Variants in CLVS1 observed in about 807,000 individuals in gnomAD.
CLVS1 encodes clavesin 1.
CLVS1 carries 10 observed loss-of-function variants against 33.1 expected under a neutral mutation model. The observed-to-expected ratio is 0.30, with a 90% CI of 0.19 to 0.51. CLVS1 has a LOEUF of 0.51. Ranked by LOEUF, CLVS1 falls within the 20% of genes least tolerant of loss-of-function variation. The pLI, the probability that CLVS1 is intolerant of heterozygous loss-of-function variation, is 0.97. For missense variants in CLVS1, 343 were observed against 433.4 expected, an observed-to-expected ratio of 0.79 and a Z score of 1.85; for synonymous variants, 163 against 166.1, an observed-to-expected ratio of 0.98 and a Z score of 0.14.
chr8:61,222,278 T>C (rs577495356), intron 2 of CLVS1, among the ~76,000 whole-genome samples: 12 of 152,186 alleles, frequency 7.9e-5, no homozygotes, highest in African/African-American at 2.4e-4. Flanking sequence ...GATGTTAGGG[T>C]GTCAATTTGA....
intron 5 of CLVS1, among the ~76,000 whole-genome samples, chr8:61,478,703 A>T (rs1818060077): frequency 6.6e-6 from 1 of 152,044 alleles, no homozygotes; most frequent in Non-Finnish European, 1.5e-5. Flanking sequence ...TTTTGAGCCT[A>T]TGTTTGTCTC....
At chr8:61,403,014 T>A (rs1278572533) in intron 3 of CLVS1, among the ~76,000 whole-genome samples, 2 of 151,538 alleles carry the variant, frequency 1.3e-5, no homozygotes, top group Non-Finnish European at 2.9e-5. Context: ...AAAAAACAGG[T>A]TAGGGTGATT....
At chr8:61,446,087 A>G (rs1372599109) in intron 3 of CLVS1, among the ~76,000 whole-genome samples, 1 of 151,892 alleles carries the variant, frequency 6.6e-6, no homozygotes, top group African/African-American at 2.4e-5. Context: ...TGTTAATTTT[A>G]TTGATCTTTT....
chr8:61,373,953 A>C (rs546659969), intron 2 of CLVS1, among the ~76,000 whole-genome samples: 4 of 152,270 alleles, frequency 2.6e-5, no homozygotes, highest in Admixed American at 6.5e-5. Context: ...ACAGTTCAGC[A>C]TGCTGGCTGT....
chr8:61,204,696 C>T (rs1167523099), intron 2 of CLVS1, among the ~76,000 whole-genome samples: 1 of 152,180 alleles, frequency 6.6e-6, no homozygotes, highest in African/African-American at 2.4e-5. Flanking sequence ...TCTATTAAAG[C>T]AGATTACACT....
At chr8:61,354,492 T>A (rs1174045558) in intron 2 of CLVS1, among the ~76,000 whole-genome samples, 1 of 152,032 alleles carries the variant, frequency 6.6e-6, no homozygotes, top group East Asian at 1.9e-4. Flanking sequence ...TTATCTCAGA[T>A]AAATAAAAAC....
intron 5 of CLVS1, among the ~76,000 whole-genome samples, chr8:61,497,600 T>C (rs1361945663): frequency 1.3e-5 from 2 of 152,152 alleles, no homozygotes; most frequent in Admixed American, 1.3e-4. Context: ...TATTGTCCCT[T>C]CATGGTTCAT....
intron 2 of CLVS1, among the ~76,000 whole-genome samples, chr8:61,245,024 T>C (rs753655543): frequency 6.6e-6 from 1 of 152,186 alleles, no homozygotes; most frequent in Non-Finnish European, 1.5e-5. Flanking sequence ...ATCTTTCTGG[T>C]ATATCCAGCC....
Position 61,454,244 on chromosome 8 carries a change from G to A in CLVS1, c.734G>A (p.Arg245Lys), listed in dbSNP as rs771942742. Residue 245 changes from arginine to lysine, a missense_variant, in exon 4 of 6, where the codon AGG becomes AAG. Physicochemically the swap from Arg to Lys is conservative, Grantham distance 26. This residue lies in a region of CLVS1 where 166 missense variants were observed against 244.0 expected (regional missense o/e 0.68). Transcript: ENST00000325897. ...LIKPFLKDKT[R>K]KRIFLHGNNL... The stretch of plus-strand genomic sequence containing the variant: ...AAGCCATTTCTTAAAGACAAGACCA[G>A]GAAACGGGTAATGAAAACAAATGCA... The A allele has an allele frequency of 6.2e-7, 1 of 1,611,526 alleles. No individual in the cohort carries two copies. Among genetic ancestry groups the A allele is most frequent in the South Asian group, 1.1e-5 (1 of 91,018 alleles).
chr8:61,001,155 G>C, the CLVS1 span, among the ~76,000 whole-genome samples: 1 of 151,980 alleles, frequency 6.6e-6, no homozygotes, highest in Non-Finnish European at 1.5e-5. Flanking sequence ...TGTATTTTTT[G>C]GTCTTATTTT....
intron 3 of CLVS1, among the ~76,000 whole-genome samples, chr8:61,448,782 T>C (rs1816847922): frequency 6.6e-6 from 1 of 152,184 alleles, no homozygotes; most frequent in Admixed American, 6.5e-5. Flanking sequence ...CTATTTCCTT[T>C]CTAAAACTAC....
At chr8:61,058,118 C>T (rs1283977305) in intron 1 of CLVS1, among the ~76,000 whole-genome samples, 1 of 152,220 alleles carries the variant, frequency 6.6e-6, no homozygotes, top group African/African-American at 2.4e-5. Context: ...TAGCTAGAAA[C>T]TTGTTCAGCA....
chr8:61,180,026 C>G (rs761890908), intron 2 of CLVS1, among the ~76,000 whole-genome samples: 2 of 151,784 alleles, frequency 1.3e-5, no homozygotes, highest in African/African-American at 2.4e-5. Context: ...ATGAGAAACC[C>G]TCCAAAAAAT....
In CLVS1 at chr8:61,198,443, G is replaced by T. The variant is rs533603386; in HGVS notation, c.-152+66583G>T. ...CACCCAGGCTGGATTGCAGTGGCAC[G>T]ATCTTGGTTCACTGCAACCTCTACA... is the stretch of plus-strand genomic sequence containing the variant. On this transcript the variant is annotated intron_variant, in intron 2 of 2. Coordinates refer to the CLVS1 transcript ENST00000522621. 3.9e-5 allele frequency among the ~76,000 whole-genome samples: 6 copies of T among 152,182 alleles called. No individual in the cohort carries two copies. The East Asian group carries it at 1.2e-3, about 29-fold the overall frequency.
chr8:61,450,682 A>G (rs1342328618), intron 3 of CLVS1, among the ~76,000 whole-genome samples: 1 of 152,162 alleles, frequency 6.6e-6, no homozygotes, highest in Non-Finnish European at 1.5e-5. Context: ...TGAAGACTCT[A>G]TATTTGTATT....
chr8:61,199,381 A>C (rs1185146195), intron 2 of CLVS1, among the ~76,000 whole-genome samples: 1 of 152,226 alleles, frequency 6.6e-6, no homozygotes, highest in Admixed American at 6.5e-5. Context: ...TAATATCCAG[A>C]ATCTATAAGG....
intron 1 of CLVS1, among the ~76,000 whole-genome samples, chr8:61,080,850 G>A (rs1416040414): frequency 6.6e-6 from 1 of 152,208 alleles, no homozygotes; most frequent in Non-Finnish European, 1.5e-5. Flanking sequence ...GAGAGGAAGT[G>A]AGCCAGCAAG....
chr8:61,106,208 T>G (rs1356821116), intron 1 of CLVS1, among the ~76,000 whole-genome samples: 2 of 152,156 alleles, frequency 1.3e-5, no homozygotes, highest in Non-Finnish European at 2.9e-5. Context: ...TTTTAAAGCA[T>G]GAAGCCAGTG....
chr8:61,207,856 GA>G (rs1424455484), intron 2 of CLVS1, among the ~76,000 whole-genome samples: 1 of 152,170 alleles, frequency 6.6e-6, no homozygotes, highest in Non-Finnish European at 1.5e-5. Flanking sequence ...GGTGAAGATT[GA>G]AAAATCACTC....
Sources: gnomAD v4.1 joint callset for allele counts (sites outside exome capture counted in the v4.1 genomes callset) on GRCh38, gnomAD v4.1.1 for gene constraint, gnomAD v4.1.1 regional missense constraint, MANE v1.5 for transcripts, NCBI Gene and HGNC (gene_info 2026-07-23, HGNC 2026-07-21) for gene names.